OR56A3: variants seen among roughly 807,000 people sequenced by gnomAD.
The protein encoded by OR56A3 is olfactory receptor 56A3.
OR56A3 carries 23 observed loss-of-function variants against 17.5 expected under a neutral mutation model. The observed-to-expected ratio is 1.32, with a 90% CI of 0.95 to 1.87. OR56A3 has a LOEUF of 1.87. Among genes scored for constraint, OR56A3 ranks in the 40% most tolerant of loss-of-function variants. The pLI is 0.00. For synonymous variants in OR56A3, 175 were observed against 150.6 expected (o/e 1.16, Z -1.19); for missense variants, 366 against 380.1 (o/e 0.96, Z 0.31).
the OR56A3 span, among the ~76,000 whole-genome samples, chr11:5,970,088 G>A: frequency 1.3e-5 from 2 of 152,152 alleles, no homozygotes; most frequent in African/African-American, 4.8e-5. Flanking sequence ...GTTTTGACGT[G>A]TTGAGTTTAT....
the OR56A3 span, among the ~76,000 whole-genome samples, chr11:6,003,493 G>T: frequency 3.3e-5 from 5 of 152,054 alleles, no homozygotes; most frequent in South Asian, 1.0e-3. Flanking sequence ...AGCAGCTTTG[G>T]GTTGGTTCCC....
chr11:5,979,248 G>A, the OR56A3 span, among the ~76,000 whole-genome samples: 1 of 152,066 alleles, frequency 6.6e-6, no homozygotes, highest in South Asian at 2.1e-4. Context: ...AACAAGTTGG[G>A]AAGTCACTCC....
At chr11:6,017,507 T>C in the OR56A3 span, among the ~76,000 whole-genome samples, 1 of 152,140 alleles carries the variant, frequency 6.6e-6, no homozygotes. Flanking sequence ...GAGAATAGAA[T>C]GCTATGTTCA....
the OR56A3 span, among the ~76,000 whole-genome samples, chr11:5,971,960 T>G: frequency 6.6e-6 from 1 of 152,116 alleles, no homozygotes; most frequent in Non-Finnish European, 1.5e-5. Flanking sequence ...AAGAAAAAAC[T>G]AGGGCTATTA....
chr11:5,959,388 T>A, the OR56A3 span, among the ~76,000 whole-genome samples: 1 of 152,330 alleles, frequency 6.6e-6, no homozygotes, highest in East Asian at 1.9e-4. Flanking sequence ...ATGGTTTTGA[T>A]TTGCATTTCC....
chr11:6,008,673 GA>G, the OR56A3 span, among the ~76,000 whole-genome samples: 8 of 151,712 alleles, frequency 5.3e-5, no homozygotes, highest in Non-Finnish European at 8.8e-5. Context: ...TAGTTGCGAG[GA>G]TAAAATTCAA....
the OR56A3 span, among the ~76,000 whole-genome samples, chr11:5,993,370 A>G: frequency 6.6e-6 from 1 of 152,142 alleles, no homozygotes; most frequent in Non-Finnish European, 1.5e-5. Context: ...GAGGCCTGTT[A>G]AAAAGCAAAT....
chr11:5,964,316 C>G, the OR56A3 span, among the ~76,000 whole-genome samples: 1 of 152,186 alleles, frequency 6.6e-6, no homozygotes, highest in African/African-American at 2.4e-5. Context: ...TTGATGTCTG[C>G]CCATTGAAAA....
chr11:5,980,813 A>G, the OR56A3 span, among the ~76,000 whole-genome samples: 5 of 152,186 alleles, frequency 3.3e-5, no homozygotes, highest in African/African-American at 9.7e-5. Flanking sequence ...GTGGTCAGCA[A>G]CAGTCTTTCA....
chr11:5,947,942 A>G lies in OR56A3; in HGVS notation c.596A>G (p.Asn199Ser), dbSNP rs1256079944. The G allele has an allele frequency of 4.3e-6, 7 of 1,614,202 alleles. No individual in the cohort carries two copies. The highest frequency in any genetic ancestry group is 2.5e-6 in the Non-Finnish European group (3 of 1,180,026). Reference protein sequence around the residue: ...SRLSCDDVTINHLYQFAGGWT... With the variant: ...SRLSCDDVTISHLYQFAGGWT... ...CTCTCCTGCGATGATGTCACCATCAATCACCTTTACCAATTTGCTGGAGGC... is the reference window on the plus strand; with the variant it reads ...CTCTCCTGCGATGATGTCACCATCAGTCACCTTTACCAATTTGCTGGAGGC... Residue 199 changes from asparagine (N) to serine (S), a missense_variant, in exon 3 of 3, where the codon AAT becomes AGT. Physicochemically the swap from Asn to Ser is conservative, Grantham distance 46. Transcript: ENST00000641160.
At chr11:5,993,851 A>G in the OR56A3 span, 1 of 443,182 alleles carries the variant, frequency 2.3e-6, no homozygotes, top group Non-Finnish European at 4.1e-6. Flanking sequence ...CTGCTCCCTA[A>G]AGGGTACTCT....
the OR56A3 span, among the ~76,000 whole-genome samples, chr11:6,014,989 C>CAAAAAAAAAAAAAAAAAAA: frequency 4.8e-4 from 17 of 35,196 alleles, 5 homozygotes; most frequent in South Asian, 4.1e-3. Flanking sequence ...TATTCATGGG[C>CAAAAAAAAAAAAAAAAAAA]AAAAAAAAAA....
the OR56A3 span, among the ~76,000 whole-genome samples, chr11:5,974,147 C>T: frequency 6.7e-6 from 1 of 150,288 alleles, no homozygotes; most frequent in Admixed American, 6.6e-5. Context: ...TGCCGTGTCA[C>T]CCAGGCTGGT....
At chr11:6,012,842 T>A in the OR56A3 span, among the ~76,000 whole-genome samples, 1 of 152,222 alleles carries the variant, frequency 6.6e-6, no homozygotes, top group African/African-American at 2.4e-5. Flanking sequence ...GTGTCCAAAG[T>A]CCAGGGCAGC....
chr11:5,994,110 T>C, the OR56A3 span: 1 of 492,748 alleles, frequency 2.0e-6, no homozygotes, highest in South Asian at 1.6e-5. Context: ...GCCTGTCTGC[T>C]TAGGTCTCTG....
chr11:6,002,643 G>A, the OR56A3 span: 16 of 1,614,136 alleles, frequency 9.9e-6, no homozygotes, highest in Admixed American at 5.0e-5. Context: ...GACCATGAAC[G>A]TGCAGGACTC....
Position 5,947,483 on chromosome 11 carries a change from A to C in OR56A3, c.137A>C (p.Asn46Thr). The change falls in exon 3 of 3, where the codon AAC becomes ACC. Residue 46 changes from asparagine (N) to threonine (T), a missense_variant. Coordinates refer to ENST00000641160, the MANE Select transcript of OR56A3 (RefSeq NM_001003443.3). The part of the protein sequence containing the change: ...SLLFLLAVGA[N>T]TTLLMTIWLE... ...CTTTTCCTCTTGGCCGTAGGGGCCA[A>C]CACCACCCTCCTGATGACCATCTGG... The C allele has an allele frequency of 6.2e-7, 1 of 1,613,918 alleles. No homozygotes were observed.
chr11:5,991,210 A>G, the OR56A3 span, among the ~76,000 whole-genome samples: 1 of 152,226 alleles, frequency 6.6e-6, no homozygotes, highest in African/African-American at 2.4e-5. Context: ...AGCTGTATCT[A>G]CATACGCAAT....
chr11:6,013,031 C>T, the OR56A3 span, among the ~76,000 whole-genome samples: 1 of 152,246 alleles, frequency 6.6e-6, no homozygotes, highest in East Asian at 1.9e-4. Context: ...CCCAAGAGCG[C>T]AGAAAGGCCC....
Sources: gnomAD v4.1 joint callset for allele counts (sites outside exome capture counted in the v4.1 genomes callset) on GRCh38, gnomAD v4.1.1 for gene constraint, MANE v1.5 for transcripts, NCBI Gene and HGNC (gene_info 2026-07-23, HGNC 2026-07-21) for gene names.